The following CHD5 variants were observed in gnomAD, a reference collection of about 807,000 sequenced individuals.
CHD5 encodes ATP-dependent chromatin remodeler CHD5.
Under a neutral mutation model 230.3 loss-of-function variants are expected in CHD5, and 69 were observed. The observed-to-expected ratio is 0.30, with a 90% CI of 0.25 to 0.37. CHD5 has a LOEUF of 0.37. Ranked by LOEUF, CHD5 falls within the 10% of genes least tolerant of loss-of-function variation. CHD5 has a pLI of 1.00. For synonymous variants in CHD5, 1,064 were observed against 1,065.9 expected (o/e 1.00, Z 0.03); for missense variants, 1,827 against 2,622.8 (o/e 0.70, Z 6.63).
intron 3 of CHD5, among the ~76,000 whole-genome samples, chr1:6,156,354 T>C (rs1186699131): frequency 1.3e-5 from 2 of 152,140 alleles, no homozygotes; most frequent in East Asian, 3.9e-4. Context: ...CGGGCCAACA[T>C]GCTGAAACCC....
chr1:6,141,710 G>A (rs923755572), intron 15 of CHD5, among the ~76,000 whole-genome samples: 1 of 152,216 alleles, frequency 6.6e-6, no homozygotes, highest in Non-Finnish European at 1.5e-5. Flanking sequence ...TATAGGATGA[G>A]AAACAGACAC....
At chr1:6,152,279 G>T in intron 6 of CHD5, 133 bp downstream of exon 6, 1 of 944,456 alleles carries the variant, frequency 1.1e-6, no homozygotes, top group South Asian at 1.6e-5. Flanking sequence ...GATGGAAGGA[G>T]AATAGTGGAG....
chr1:6,155,365 C>A lies in CHD5; in HGVS notation c.506+234G>T, dbSNP rs1667065170. On this transcript the variant is annotated intron_variant, in intron 4 of 41. Transcript: ENST00000262450. This position sits in a 1 kb window ranked among gnomAD's most constrained non-coding sequence, Gnocchi z 4.0. ...CCCCAGGAAAGACTGGAACCACCTT[C>A]CCCAAGGGGAAGAGACTCAAGGGCT... 6.6e-6 allele frequency among the ~76,000 whole-genome samples: 1 copy of A among 152,196 alleles called. No homozygotes were observed.
chr1:6,158,834 C>T (rs911454708), intron 3 of CHD5, among the ~76,000 whole-genome samples: 1 of 150,288 alleles, frequency 6.7e-6, no homozygotes, highest in East Asian at 2.0e-4. Context: ...GGTGAAACCC[C>T]ATCTCTACTA....
At position 6,144,821 on chromosome 1, in the gene CHD5, G is replaced by A. The variant is rs190680348; in HGVS notation, c.1803-666C>T. Among the ~76,000 whole-genome samples, 179 of 152,318 alleles carry A rather than the reference G, an allele frequency of 1.2e-3. 2 individuals carry two copies. The highest frequency in any genetic ancestry group is 3.9e-3 in the African/African-American group (163 of 41,558). On this transcript the variant is annotated intron_variant, in intron 11 of 41. Transcript: ENST00000262450. ...CAGTGCCGAGGAGGCACACAGACCC[G>A]GTGAGCAGCGGCTGCTGCGGGCCTG...
chr1:6,148,871 G>C lies in CHD5; in HGVS notation c.1366C>G (p.Leu456Val), dbSNP rs1362127459. The change falls in exon 9 of 42, where the codon CTC becomes GTC. Residue 456 changes from leucine to valine, a missense_variant. Coordinates refer to ENST00000262450, the MANE Select transcript of CHD5 (RefSeq NM_015557.3). ...PLPEIPNGEWLCPRCTCPPLK... is the reference protein window; with the variant it reads ...PLPEIPNGEWVCPRCTCPPLK... ...ACACTCACAGTACAGCGCGGGCAGA[G>C]CCATTCACCGTTTGGGATCTCGGGC... is the stretch of plus-strand genomic sequence containing the variant. 6.4e-7 allele frequency: 1 copy of C among 1,573,752 alleles called. No individual in the cohort carries two copies. Among genetic ancestry groups the C allele is most frequent in the Non-Finnish European group, 8.6e-7 (1 of 1,159,302 alleles).
At chr1:6,114,325 A>T (rs1666341631) in intron 33 of CHD5, among the ~76,000 whole-genome samples, 1 of 151,974 alleles carries the variant, frequency 6.6e-6, no homozygotes, top group Non-Finnish European at 1.5e-5. Flanking sequence ...ATCCCCCACC[A>T]GCCGACGCAC....
intron 15 of CHD5, among the ~76,000 whole-genome samples, chr1:6,137,937 G>C (rs1361338276): frequency 6.6e-6 from 1 of 151,044 alleles, no homozygotes; most frequent in Non-Finnish European, 1.5e-5. Context: ...TACTCCCCCT[G>C]GTGGGGGCCT....
chr1:6,167,324 G>A lies in CHD5; in HGVS notation c.207+826C>T, dbSNP rs147769829. ...TGGGCCAGGGCACCTCTGAGCCCCC[G>A]CTCTCATCTGTGAAGTGAGGTGCTT... On this transcript the variant is annotated intron_variant, in intron 2 of 41. Transcript: ENST00000262450. This position sits in a 1 kb window ranked among gnomAD's most constrained non-coding sequence, Gnocchi z 4.5. Among the ~76,000 whole-genome samples, 2 of 152,294 alleles carry A rather than the reference G, an allele frequency of 1.3e-5. No individual in the cohort carries two copies. The highest frequency in any genetic ancestry group is 2.4e-5 in the African/African-American group (1 of 41,558).
At chr1:6,108,036 G>A (rs1666223331) in intron 38 of CHD5, among the ~76,000 whole-genome samples, 1 of 125,114 alleles carries the variant, frequency 8.0e-6, no homozygotes, top group Non-Finnish European at 1.7e-5. Context: ...GGGTGATGGA[G>A]GGGTGAAGGG....
chr1:6,171,978 G>A (rs1055485317), intron 1 of CHD5, among the ~76,000 whole-genome samples: 4 of 152,226 alleles, frequency 2.6e-5, no homozygotes, highest in African/African-American at 9.6e-5. Flanking sequence ...CCATTACCCT[G>A]TGATCACCCA....
chr1:6,136,485 A>G (rs1666748732), intron 17 of CHD5, 32 bp downstream of exon 17: 5 of 1,608,674 alleles, frequency 3.1e-6, no homozygotes, highest in South Asian at 1.1e-5. Flanking sequence ...CAGCCCCACC[A>G]CCACCTCCCT....
Position 6,171,215 on chromosome 1 carries a change from G to T in CHD5, c.80-2938C>A, listed in dbSNP as rs1485651049. On this transcript the variant is annotated intron_variant, in intron 1 of 41. Coordinates refer to ENST00000262450, the MANE Select transcript of CHD5 (RefSeq NM_015557.3). Reference sequence around the variant, plus strand: ...AGTCTGGGATCTGCCCGTGGGTAAGGGGAGGACAAAGGGGGACCCCTGCTC... The same window carrying T: ...AGTCTGGGATCTGCCCGTGGGTAAGTGGAGGACAAAGGGGGACCCCTGCTC... Among the ~76,000 whole-genome samples the T allele has an allele frequency of 3.9e-5, 6 of 152,230 alleles. 1 individual carries two copies. In the East Asian group the frequency reaches 1.2e-3, roughly 29 times the overall value.
chr1:6,179,840 C>T (rs2100894147), intron 1 of CHD5, 105 bp downstream of exon 1: 2 of 410,854 alleles, frequency 4.9e-6, no homozygotes, highest in South Asian at 1.9e-4. Flanking sequence ...TCCTGCGAGG[C>T]GCCAGCCCGG....
chr1:6,119,494 GA>G (rs1666431615), intron 33 of CHD5, among the ~76,000 whole-genome samples: 1 of 152,144 alleles, frequency 6.6e-6, no homozygotes, highest in Non-Finnish European at 1.5e-5. Flanking sequence ...TTAAAAACCT[GA>G]ACAAATATGC....
At position 6,180,081 on chromosome 1, in the gene CHD5, G is replaced by C. The variant is rs575336034; in HGVS notation, c.-58C>G. 1.0e-4 allele frequency: 97 copies of C among 938,602 alleles called. No individual in the cohort carries two copies. The highest frequency in any genetic ancestry group is 1.2e-4 in the Non-Finnish European group (92 of 749,192). 58.1% of individuals were successfully genotyped at this position (938,602 alleles called of 1,614,324 possible). The stretch of plus-strand genomic sequence containing the variant: ...CCCCCTCCCGCCGGGCGCGGTGCCA[G>C]CCTTAACCCGTGCGCTGCCGGACCG... On this transcript the variant is annotated 5_prime_UTR_variant, in exon 1 of 42. Transcript: ENST00000262450.
At position 6,125,657 on chromosome 1, in the gene CHD5, T is replaced by C; in HGVS notation, c.4172-45A>G. 1 of 1,610,058 alleles carries C rather than the reference T, an allele frequency of 6.2e-7. No homozygotes were observed. On this transcript the variant is annotated intron_variant, in intron 27 of 41. Transcript: ENST00000262450. The surrounding 1 kb of genome is among the most constrained non-coding windows in gnomAD (Gnocchi z 6.7). ...AGTTCCTCAGGTGGGAGCCCAGAGATTCCTGATCCCCAAGGACAGCGGGAC... is the reference window on the plus strand; with the variant it reads ...AGTTCCTCAGGTGGGAGCCCAGAGACTCCTGATCCCCAAGGACAGCGGGAC...
At chr1:6,136,693 G>A (rs1666751546) in intron 16 of CHD5, 35 bp downstream of exon 16, 1 of 1,611,502 alleles carries the variant, frequency 6.2e-7, no homozygotes, top group Non-Finnish European at 8.5e-7. Context: ...CCTCGCCCCG[G>A]GAAGCTCTGG....
At chr1:6,112,773 C>A (rs1173364072) in intron 34 of CHD5, 136 bp downstream of exon 34, 1 of 635,964 alleles carries the variant, frequency 1.6e-6, no homozygotes, top group Non-Finnish European at 2.8e-6. Context: ...TGAATCCAGG[C>A]TCCCACCTGC....
Sources: gnomAD v4.1 joint callset for allele counts (sites outside exome capture counted in the v4.1 genomes callset) on GRCh38, gnomAD v4.1.1 for gene constraint, Gnocchi (gnomAD v3.1) non-coding constraint, MANE v1.5 for transcripts, NCBI Gene and HGNC (gene_info 2026-07-23, HGNC 2026-07-21) for gene names.